The following CPED1 variants were observed in gnomAD, a reference collection of about 807,000 sequenced individuals.
CPED1 encodes cadherin-like and PC-esterase domain-containing protein 1.
Under a neutral mutation model 128.2 loss-of-function variants are expected in CPED1, and 114 were observed. That is an observed-to-expected ratio of 0.89 (90% CI 0.76 to 1.04). The LOEUF (loss-of-function observed/expected upper bound fraction) is 1.04. Ranked by LOEUF, CPED1 falls within the 50% of genes least tolerant of loss-of-function variation. CPED1 has a pLI of 0.00. For missense variants in CPED1, 1,211 were observed against 1,207.1 expected (o/e 1.00, Z -0.05); for synonymous variants, 462 against 426.7 (o/e 1.08, Z -1.02).
intron 3 of CPED1, among the ~76,000 whole-genome samples, chr7:121,041,605 A>G (rs1439820039): frequency 6.6e-6 from 1 of 152,112 alleles, no homozygotes; most frequent in Non-Finnish European, 1.5e-5. Flanking sequence ...GTTATCAGCG[A>G]AGGAGGTCAT....
intron 16 of CPED1, among the ~76,000 whole-genome samples, chr7:121,215,259 T>A (rs144063401): frequency 6.6e-6 from 1 of 152,176 alleles, no homozygotes; most frequent in African/African-American, 2.4e-5. Context: ...TATCTGTTAA[T>A]GCAATAAACA....
intron 3 of CPED1, among the ~76,000 whole-genome samples, chr7:121,035,066 A>G (rs905158295): frequency 1.3e-5 from 2 of 152,168 alleles, no homozygotes; most frequent in African/African-American, 4.8e-5. Flanking sequence ...TACTAGAGGC[A>G]TATAGGTTTG....
At chr7:121,113,404 A>G (rs535364148) in intron 7 of CPED1, among the ~76,000 whole-genome samples, 1 of 152,334 alleles carries the variant, frequency 6.6e-6, no homozygotes, top group African/African-American at 2.4e-5. Context: ...AGAGTAGGAG[A>G]GAATTTTTCA....
At chr7:121,143,597 AT>A (rs1795952681) in intron 16 of CPED1, among the ~76,000 whole-genome samples, 1 of 152,064 alleles carries the variant, frequency 6.6e-6, no homozygotes. Flanking sequence ...GTTTAAAAAA[AT>A]AAACAAAAAC....
chr7:121,236,900 TTAAAC>T, intron 17 of CPED1, 69 bp downstream of exon 17: 1 of 704,572 alleles, frequency 1.4e-6, no homozygotes, highest in Non-Finnish European at 2.3e-6. Context: ...GTATGCTTAT[TTAAAC>T]TATCCTTTTA....
chr7:121,177,207 G>A (rs958285338), intron 16 of CPED1, among the ~76,000 whole-genome samples: 4 of 151,936 alleles, frequency 2.6e-5, no homozygotes, highest in Non-Finnish European at 5.9e-5. Flanking sequence ...GAGAGATGCA[G>A]GTTCCTTTCC....
intron 3 of CPED1, among the ~76,000 whole-genome samples, chr7:121,022,391 T>C (rs944799232): frequency 2.6e-5 from 4 of 152,062 alleles, no homozygotes; most frequent in African/African-American, 9.7e-5. Flanking sequence ...GATTCTATAC[T>C]GCTGGGGCTT....
At chr7:121,135,098 T>A (rs1329806990) in intron 13 of CPED1, among the ~76,000 whole-genome samples, 1 of 152,046 alleles carries the variant, frequency 6.6e-6, no homozygotes, top group Non-Finnish European at 1.5e-5. Context: ...TAAACCTAAC[T>A]AACAATTGGC....
intron 16 of CPED1, among the ~76,000 whole-genome samples, chr7:121,157,312 T>A (rs879404550): frequency 6.6e-6 from 1 of 152,200 alleles, no homozygotes; most frequent in Non-Finnish European, 1.5e-5. Context: ...CCACTTAATA[T>A]ACGATATCAT....
intron 4 of CPED1, among the ~76,000 whole-genome samples, chr7:121,055,632 C>A (rs1424988965): frequency 6.6e-6 from 1 of 150,562 alleles, no homozygotes; most frequent in Admixed American, 6.6e-5. Flanking sequence ...TATAATTATA[C>A]ATTCATATAG....
chr7:121,296,921 A>T lies in CPED1; in HGVS notation c.*1269A>T, dbSNP rs1259724664. On this transcript the variant is annotated 3_prime_UTR_variant, in exon 23 of 23. Transcript: ENST00000310396. ...CCAAATGTATAAATACCTCATTTTC[A>T]CTACCATACAAGAAAAAAACACCTA... is the stretch of plus-strand genomic sequence containing the variant. 7.2e-5 allele frequency: 11 copies of T among 152,394 alleles called. No individual in the cohort carries two copies. The highest frequency in any genetic ancestry group is 2.4e-4 in the African/African-American group (10 of 41,440). The allele number at this position is 152,394 out of a possible 1,614,324, so 9.4% of individuals were successfully genotyped here.
intron 16 of CPED1, among the ~76,000 whole-genome samples, chr7:121,191,332 G>GT (rs775514760): frequency 2.0e-5 from 3 of 152,130 alleles, no homozygotes; most frequent in African/African-American, 4.8e-5. Context: ...ACACCCTGCA[G>GT]TCTGCAATTA....
intron 6 of CPED1, among the ~76,000 whole-genome samples, chr7:121,099,657 C>T (rs1014132109): frequency 1.6e-4 from 25 of 152,298 alleles, no homozygotes; most frequent in African/African-American, 5.3e-4. Context: ...TAAGTCACTA[C>T]GCTCAGCCAC....
intron 18 of CPED1, 95 bp downstream of exon 18, chr7:121,244,433 C>G: frequency 1.1e-5 from 15 of 1,305,700 alleles, no homozygotes; most frequent in Non-Finnish European, 1.4e-5. Flanking sequence ...TTCCTGCTGT[C>G]TCACAGCAGA....
chr7:121,250,341 T>C lies in CPED1; in HGVS notation c.2310+6003T>C, dbSNP rs533745785. Reference sequence around the variant, plus strand: ...AAAGCAGTGTGTAGAGGGAAATTTATAGCACTAAATGCCCACAAGAGAAAG... The same window carrying C: ...AAAGCAGTGTGTAGAGGGAAATTTACAGCACTAAATGCCCACAAGAGAAAG... On this transcript the variant is annotated intron_variant, in intron 18 of 22. Transcript: ENST00000310396. 8.0e-3 allele frequency among the ~76,000 whole-genome samples: 1,209 copies of C among 151,756 alleles called. 9 individuals are homozygous for C. Among genetic ancestry groups the C allele is most frequent in the African/African-American group, 0.027 (1,109 of 41,354 alleles).
chr7:121,077,848 G>T (rs746593211), intron 5 of CPED1, among the ~76,000 whole-genome samples: 1 of 151,396 alleles, frequency 6.6e-6, no homozygotes, highest in Non-Finnish European at 1.5e-5. Flanking sequence ...GCTCACATAC[G>T]TTTAAAATTT....
rs530676372 is a variant in CPED1 at position 121,052,711 on chromosome 7, T to C, written c.540+5718T>C. Among the ~76,000 whole-genome samples the C allele has an allele frequency of 2.6e-5, 4 of 152,272 alleles. No individual in the cohort carries two copies. The South Asian group carries it at 8.3e-4, about 32-fold the overall frequency. On this transcript the variant is annotated intron_variant, in intron 4 of 22. Transcript: ENST00000310396. ...GCGTCAGTTATGCTGATATTCTCTT[T>C]TAAAAATTTAAATTTTTATTGTTTT...
chr7:121,276,060 G>T (rs1021417130), intron 22 of CPED1, among the ~76,000 whole-genome samples: 6 of 151,976 alleles, frequency 3.9e-5, no homozygotes, highest in African/African-American at 1.4e-4. Flanking sequence ...TAATGAATTA[G>T]TATGGAAATT....
chr7:121,073,898 A>G lies in CPED1; in HGVS notation c.616+9585A>G, dbSNP rs149620359. 7.5e-3 allele frequency among the ~76,000 whole-genome samples: 1,139 copies of G among 150,912 alleles called. 17 individuals are homozygous for G. The highest frequency in any genetic ancestry group is 0.026 in the African/African-American group (1,083 of 41,032). On this transcript the variant is annotated intron_variant, in intron 5 of 22. Coordinates refer to ENST00000310396, the MANE Select transcript of CPED1 (RefSeq NM_024913.5). ...TTAATCATGTAAAGCCATGCACAACATTGGGACACAGTTTTCTCCAGCAGG... is the reference window on the plus strand; with the variant it reads ...TTAATCATGTAAAGCCATGCACAACGTTGGGACACAGTTTTCTCCAGCAGG...
Sources: gnomAD v4.1 joint callset for allele counts (sites outside exome capture counted in the v4.1 genomes callset) on GRCh38, gnomAD v4.1.1 for gene constraint, MANE v1.5 for transcripts, NCBI Gene and HGNC (gene_info 2026-07-23, HGNC 2026-07-21) for gene names.